MAD1L1: variants seen among roughly 807,000 people sequenced by gnomAD.
MAD1L1 encodes mitotic arrest deficient 1 like 1.
In MAD1L1, 95 loss-of-function variants were observed where a neutral mutation model predicts 96.9. That is an observed-to-expected ratio of 0.98 (90% CI 0.83 to 1.16). MAD1L1 has a LOEUF of 1.16. Among genes scored for constraint, MAD1L1 ranks in the 50% most tolerant of loss-of-function variants. The pLI, the probability that MAD1L1 is intolerant of heterozygous loss-of-function variation, is 0.00. For synonymous variants in MAD1L1, 473 were observed against 396.6 expected (o/e 1.19, Z -2.29); for missense variants, 1,007 against 954.4 (o/e 1.06, Z -0.73).
intron 10 of MAD1L1, among the ~76,000 whole-genome samples, chr7:2,184,347 C>T (rs757723349): frequency 6.6e-5 from 10 of 152,096 alleles, no homozygotes; most frequent in African/African-American, 1.2e-4. Flanking sequence ...AGCCAAAAGT[C>T]GGTAACGCCA....
intron 17 of MAD1L1, among the ~76,000 whole-genome samples, chr7:1,915,848 G>T (rs1788353984): frequency 6.6e-6 from 1 of 152,148 alleles, no homozygotes; most frequent in Admixed American, 6.5e-5. Flanking sequence ...TCAACACTGG[G>T]GTCAGCAGGG....
chr7:1,908,084 A>G (rs765720133), intron 17 of MAD1L1, among the ~76,000 whole-genome samples: 1 of 152,198 alleles, frequency 6.6e-6, no homozygotes, highest in Non-Finnish European at 1.5e-5. Context: ...CACGGTCCCA[A>G]CGATGTAGCA....
At chr7:2,145,078 T>C (rs2128577517) in intron 11 of MAD1L1, among the ~76,000 whole-genome samples, 1 of 152,196 alleles carries the variant, frequency 6.6e-6, no homozygotes, top group East Asian at 1.9e-4. Flanking sequence ...GCCAGTGCCC[T>C]GTAGGCTGCC....
At chr7:2,076,824 G>A (rs1785397031) in intron 11 of MAD1L1, among the ~76,000 whole-genome samples, 1 of 151,380 alleles carries the variant, frequency 6.6e-6, no homozygotes, top group Admixed American at 6.6e-5. Flanking sequence ...ACGACACGAT[G>A]AGCCCGCAGC....
At chr7:2,201,274 C>T (rs1313431876) in intron 10 of MAD1L1, among the ~76,000 whole-genome samples, 4 of 152,158 alleles carry the variant, frequency 2.6e-5, no homozygotes, top group African/African-American at 7.2e-5. Context: ...CTCTGGCCCT[C>T]GGCTGGCGCT....
At chr7:2,072,211 A>G (rs1317347080) in intron 11 of MAD1L1, among the ~76,000 whole-genome samples, 6 of 152,200 alleles carry the variant, frequency 3.9e-5, no homozygotes. Context: ...GAACTGAGTG[A>G]GACTGAGCTG....
chr7:1,936,464 G>T (rs933116793), intron 17 of MAD1L1, among the ~76,000 whole-genome samples: 3 of 152,230 alleles, frequency 2.0e-5, no homozygotes, highest in Non-Finnish European at 4.4e-5. Context: ...ACAGCTGCCT[G>T]CAGACTCGGA....
At chr7:1,921,441 C>CTA (rs1009287311) in intron 17 of MAD1L1, among the ~76,000 whole-genome samples, 2 of 151,940 alleles carry the variant, frequency 1.3e-5, no homozygotes, top group African/African-American at 4.8e-5. Flanking sequence ...ACCTCAGCAT[C>CTA]TATAGTACCT....
At chr7:2,216,391 C>T (rs1274453137) in intron 7 of MAD1L1, 104 bp from the exon 8 acceptor site, 9 of 1,155,660 alleles carry the variant, frequency 7.8e-6, no homozygotes, top group Non-Finnish European at 1.1e-5. Context: ...TCTGCAACGG[C>T]TATACACACT....
intron 14 of MAD1L1, among the ~76,000 whole-genome samples, chr7:1,981,876 A>G (rs1780923562): frequency 6.6e-6 from 1 of 152,166 alleles, no homozygotes. Context: ...ACATGTACTG[A>G]AACATCACTA....
chr7:1,921,293 CT>C (rs199924142), intron 17 of MAD1L1, among the ~76,000 whole-genome samples: 1 of 151,674 alleles, frequency 6.6e-6, no homozygotes, highest in Non-Finnish European at 1.5e-5. Flanking sequence ...ACCTTGATAC[CT>C]TTTTTTTGAA....
chr7:1,958,409 A>T (rs1373161495), intron 15 of MAD1L1, among the ~76,000 whole-genome samples: 1 of 152,206 alleles, frequency 6.6e-6, no homozygotes, highest in East Asian at 1.9e-4. Flanking sequence ...GTTTAAAAAT[A>T]AAAAAAGTCT....
intron 17 of MAD1L1, among the ~76,000 whole-genome samples, chr7:1,902,332 G>A (rs1787297560): frequency 6.6e-6 from 1 of 152,190 alleles, no homozygotes; most frequent in African/African-American, 2.4e-5. Context: ...TATCTCAAGA[G>A]GCCCAGTTCA....
rs1349879617 is a variant in MAD1L1 at position 2,103,135 on chromosome 7, C to G, written c.1074-33797G>C. On this transcript the variant is annotated intron_variant, in intron 11 of 18. Transcript: ENST00000265854. This position sits in a 1 kb window ranked among gnomAD's most constrained non-coding sequence, Gnocchi z 4.3. Reference sequence around the variant, plus strand: ...AGGGCCCCTGCGCTTGCTGCTGCCTCTGCCTGGAACGGGCTCTCTCCCCTG... The same window carrying G: ...AGGGCCCCTGCGCTTGCTGCTGCCTGTGCCTGGAACGGGCTCTCTCCCCTG... Among the ~76,000 whole-genome samples the G allele has an allele frequency of 2.6e-5, 4 of 152,176 alleles. No individual in the cohort carries two copies. The highest frequency in any genetic ancestry group is 1.3e-4 in the Admixed American group (2 of 15,284).
chr7:1,917,938 C>T (rs917492640), intron 17 of MAD1L1, among the ~76,000 whole-genome samples: 6 of 152,174 alleles, frequency 3.9e-5, no homozygotes, highest in African/African-American at 1.2e-4. Context: ...GACTGTGTTG[C>T]ATCAGGCCCC....
intron 18 of MAD1L1, among the ~76,000 whole-genome samples, chr7:1,839,293 C>T (rs1343349386): frequency 7.9e-5 from 12 of 151,708 alleles, no homozygotes; most frequent in Non-Finnish European, 1.3e-4. Context: ...GACAGACACT[C>T]GGGGTCCCAG....
chr7:1,840,039 A>T (rs1783161740), intron 18 of MAD1L1, among the ~76,000 whole-genome samples: 1 of 152,222 alleles, frequency 6.6e-6, no homozygotes, highest in Admixed American at 6.5e-5. Flanking sequence ...CACGGCGGGC[A>T]TTCCACATGG....
At chr7:2,025,574 C>T (rs916726074) in intron 12 of MAD1L1, among the ~76,000 whole-genome samples, 4 of 152,070 alleles carry the variant, frequency 2.6e-5, no homozygotes, top group East Asian at 1.9e-4. Context: ...AGAAGAAAAA[C>T]GATTGCAGAT....
At chr7:1,871,463 C>A (rs1348598930) in intron 18 of MAD1L1, among the ~76,000 whole-genome samples, 1 of 143,808 alleles carries the variant, frequency 7.0e-6, no homozygotes, top group African/African-American at 2.6e-5. Context: ...CTGAACCCAA[C>A]ATATGCCTGC....
Sources: gnomAD v4.1 joint callset for allele counts (sites outside exome capture counted in the v4.1 genomes callset) on GRCh38, gnomAD v4.1.1 for gene constraint, Gnocchi (gnomAD v3.1) non-coding constraint, MANE v1.5 for transcripts, NCBI Gene and HGNC (gene_info 2026-07-23, HGNC 2026-07-21) for gene names.